The following ADGRA3 variants were observed in gnomAD, a reference collection of about 807,000 sequenced individuals.
ADGRA3 encodes the protein adhesion G protein-coupled receptor A3.
Under a neutral mutation model 119.8 loss-of-function variants are expected in ADGRA3, and 56 were observed. The ratio of observed to expected loss-of-function variants is 0.47; its 90% confidence interval spans 0.38 to 0.58. The LOEUF is 0.58. Among genes scored for constraint, ADGRA3 ranks in the 20% least tolerant of loss-of-function variants. The pLI, the probability that ADGRA3 is intolerant of heterozygous loss-of-function variation, is 0.00. For synonymous variants in ADGRA3, 607 were observed against 623.8 expected (o/e 0.97, Z 0.40); for missense variants, 1,516 against 1,649.0 (o/e 0.92, Z 1.40).
At chr4:22,445,451 C>T (rs1385883429) in intron 5 of ADGRA3, among the ~76,000 whole-genome samples, 1 of 152,108 alleles carries the variant, frequency 6.6e-6, no homozygotes, top group African/African-American at 2.4e-5. Context: ...AATCCCATTC[C>T]TTTTTGTCTA....
intron 5 of ADGRA3, among the ~76,000 whole-genome samples, chr4:22,445,834 T>C (rs956725579): frequency 2.6e-5 from 4 of 152,210 alleles, no homozygotes; most frequent in African/African-American, 9.6e-5. Flanking sequence ...AAAAGCTTTA[T>C]AATTTGGCAC....
intron 8 of ADGRA3, among the ~76,000 whole-genome samples, chr4:22,437,982 T>C (rs1045501792): frequency 1.3e-5 from 2 of 152,204 alleles, no homozygotes; most frequent in African/African-American, 4.8e-5. Context: ...TCTCCAATGT[T>C]TCCCTAAGGC....
rs749669568 is a variant in ADGRA3, at chr4:22,413,632, A to G, written c.1992T>C (p.Thr664=). The G allele has an allele frequency of 6.2e-7, 1 of 1,614,054 alleles. No individual in the cohort carries two copies. Among genetic ancestry groups the G allele is most frequent in the Non-Finnish European group, 8.5e-7 (1 of 1,179,940 alleles). ...TNLADDGKRR[T]VVTPVILTKI... The stretch of plus-strand genomic sequence containing the variant: ...TGGTGAGAATCACAGGGGTAACCAC[A>G]GTACGTCGTTTTCCATCATCAGCCA... The change falls in exon 13 of 19, where the codon ACT becomes ACC. Residue 664 remains threonine (T), a synonymous_variant. Coordinates refer to ENST00000334304, the MANE Select transcript of ADGRA3 (RefSeq NM_145290.4).
chr4:22,410,146 A>G (rs892968586), intron 14 of ADGRA3, among the ~76,000 whole-genome samples: 2 of 152,146 alleles, frequency 1.3e-5, no homozygotes, highest in Non-Finnish European at 2.9e-5. Context: ...AAGAAAATTA[A>G]TGAATGCTCT....
intron 16 of ADGRA3, among the ~76,000 whole-genome samples, chr4:22,397,037 C>A (rs2109000207): frequency 6.6e-6 from 1 of 152,224 alleles, no homozygotes; most frequent in South Asian, 2.1e-4. Context: ...AAAATGGCTC[C>A]AGGTTTGAAT....
chr4:22,504,792 G>A (rs900351077), intron 1 of ADGRA3, among the ~76,000 whole-genome samples: 22 of 151,748 alleles, frequency 1.4e-4, no homozygotes, highest in African/African-American at 5.1e-4. Context: ...CCTTCAGGTC[G>A]CTGGGCTACT....
At position 22,387,657 on chromosome 4, in the gene ADGRA3, G is replaced by A; in HGVS notation, c.*48C>T. The A allele has an allele frequency of 6.6e-7, 1 of 1,516,940 alleles. No homozygotes were observed. The highest frequency in any genetic ancestry group is 8.9e-7 in the Non-Finnish European group (1 of 1,125,800). The allele number at this position is 1,516,940 out of a possible 1,614,324, so 94.0% of individuals were successfully genotyped here. On this transcript the variant is annotated 3_prime_UTR_variant, in exon 19 of 19. Coordinates refer to ENST00000334304, the MANE Select transcript of ADGRA3 (RefSeq NM_145290.4). Reference sequence around the variant, plus strand: ...TTAAATGCTCATAGCTTCAAGGAATGTGAGTATCACAGTTTATATGAATTT... The same window carrying A: ...TTAAATGCTCATAGCTTCAAGGAATATGAGTATCACAGTTTATATGAATTT...
rs758909194 is a variant in ADGRA3 at position 22,388,461 on chromosome 4, C to T, written c.3210G>A (p.Val1070=). 6 of 1,613,946 alleles carry T rather than the reference C, an allele frequency of 3.7e-6. No homozygotes were observed. The African/African-American group carries it at 8.0e-5, about 22-fold the overall frequency. Reference sequence around the variant, plus strand: ...AGTTGGGGGGCTGGACGTTGACTTGCACTGAATACGAGCTCCGTCCTGGGC... The same window carrying T: ...AGTTGGGGGGCTGGACGTTGACTTGTACTGAATACGAGCTCCGTCCTGGGC... ...TCCPGRSSYS[V]QVNVQPPNSN... The change falls in exon 19 of 19, where the codon GTG becomes GTA. Residue 1070 remains valine (V), a synonymous_variant. Coordinates refer to ENST00000334304, the MANE Select transcript of ADGRA3 (RefSeq NM_145290.4).
At chr4:22,400,698 T>G (rs1447325551) in intron 16 of ADGRA3, among the ~76,000 whole-genome samples, 2 of 152,154 alleles carry the variant, frequency 1.3e-5, no homozygotes, top group African/African-American at 2.4e-5. Context: ...ATATATTTTT[T>G]TAATTACAGT....
intron 4 of ADGRA3, among the ~76,000 whole-genome samples, chr4:22,453,395 A>G (rs1048583796): frequency 2.6e-5 from 4 of 152,194 alleles, no homozygotes; most frequent in African/African-American, 9.6e-5. Flanking sequence ...CAGGCCATAT[A>G]CCTTTCCCTG....
intron 2 of ADGRA3, among the ~76,000 whole-genome samples, chr4:22,466,586 G>A (rs74883047): frequency 0.013 from 1,928 of 152,220 alleles, 42 homozygotes; most frequent in African/African-American, 0.043. Context: ...AATTAGCCAG[G>A]CGTGATGGCG....
chr4:22,507,549 C>T (rs1471350337), intron 1 of ADGRA3, among the ~76,000 whole-genome samples: 1 of 152,158 alleles, frequency 6.6e-6, no homozygotes, highest in Non-Finnish European at 1.5e-5. Flanking sequence ...GCTGGAGCTG[C>T]ACTGGGAGCA....
At chr4:22,433,796 T>C (rs1241953155) in intron 10 of ADGRA3, among the ~76,000 whole-genome samples, 2 of 152,166 alleles carry the variant, frequency 1.3e-5, no homozygotes, top group African/African-American at 4.8e-5. Flanking sequence ...TAAGCAACAA[T>C]GGAGCACAAT....
chr4:22,499,125 A>C (rs918837024), intron 1 of ADGRA3, among the ~76,000 whole-genome samples: 8 of 152,210 alleles, frequency 5.3e-5, no homozygotes, highest in Non-Finnish European at 5.9e-5. Context: ...CCTTCCCCGA[A>C]CAAGTAAACA....
At chr4:22,488,755 T>C (rs1271918296) in intron 1 of ADGRA3, among the ~76,000 whole-genome samples, 1 of 152,184 alleles carries the variant, frequency 6.6e-6, no homozygotes, top group Non-Finnish European at 1.5e-5. Context: ...ACAGAAAATT[T>C]AAAATTTGGG....
intron 4 of ADGRA3, among the ~76,000 whole-genome samples, chr4:22,453,423 T>G (rs1419602298): frequency 2.0e-5 from 3 of 152,144 alleles, no homozygotes; most frequent in African/African-American, 4.8e-5. Flanking sequence ...AAGGACACAC[T>G]GAAAACAGCT....
At chr4:22,419,503 T>C (rs955648025) in intron 12 of ADGRA3, among the ~76,000 whole-genome samples, 4 of 152,134 alleles carry the variant, frequency 2.6e-5, no homozygotes, top group African/African-American at 9.6e-5. Flanking sequence ...AAGGATAGAA[T>C]GGCATGAAAT....
intron 10 of ADGRA3, among the ~76,000 whole-genome samples, chr4:22,426,060 C>G (rs1252799680): frequency 6.6e-6 from 1 of 152,154 alleles, no homozygotes; most frequent in African/African-American, 2.4e-5. Flanking sequence ...TAAAACCGTG[C>G]CTGGCACATG....
chr4:22,512,833 T>C (rs1176678774), intron 1 of ADGRA3, among the ~76,000 whole-genome samples: 6 of 152,284 alleles, frequency 3.9e-5, no homozygotes, highest in African/African-American at 1.2e-4. Flanking sequence ...AAGCCTGTAG[T>C]AATCTGCAGC....
Sources: allele counts gnomAD v4.1 joint callset (sites outside exome capture counted in the v4.1 genomes callset), GRCh38; gene constraint gnomAD v4.1.1; transcripts MANE v1.5; gene names NCBI Gene and HGNC (gene_info 2026-07-23, HGNC 2026-07-21).